The following PCSK6 variants were observed in gnomAD, a reference collection of about 807,000 sequenced individuals.
PCSK6 encodes the protein proprotein convertase subtilisin/kexin type 6, also known as paired basic amino acid cleaving enzyme 4.
A neutral mutation model predicts 123.3 loss-of-function variants in PCSK6; 85 were observed. The observed-to-expected ratio is 0.69, with a 90% CI of 0.58 to 0.83. The LOEUF (loss-of-function observed/expected upper bound fraction) is 0.83, where lower values mean the gene tolerates loss of function less well. Ranked by LOEUF, PCSK6 falls within the 40% of genes least tolerant of loss-of-function variation. The pLI is 0.00. For missense variants in PCSK6, 1,191 were observed against 1,282.3 expected (o/e 0.93, Z 1.09); for synonymous variants, 508 against 516.0 (o/e 0.98, Z 0.21).
chr15:101,395,658 G>C (rs2042390241), intron 7 of PCSK6, among the ~76,000 whole-genome samples: 1 of 152,176 alleles, frequency 6.6e-6, no homozygotes, highest in Non-Finnish European at 1.5e-5. Flanking sequence ...AGCTGTAGGG[G>C]ACATTTCAAC....
At chr15:101,428,574 A>C (rs1275779843) in intron 5 of PCSK6, among the ~76,000 whole-genome samples, 1 of 152,220 alleles carries the variant, frequency 6.6e-6, no homozygotes, top group Non-Finnish European at 1.5e-5. Context: ...ACTATGAAGA[A>C]ATGACCAGAA....
At chr15:101,396,789 T>C (rs1170828010) in intron 7 of PCSK6, among the ~76,000 whole-genome samples, 3 of 152,148 alleles carry the variant, frequency 2.0e-5, no homozygotes, top group African/African-American at 7.2e-5. Flanking sequence ...AGCTGTCCAG[T>C]GTCCCAAGGA....
At chr15:101,345,997 C>A (rs2141397211) in intron 13 of PCSK6, among the ~76,000 whole-genome samples, 1 of 152,312 alleles carries the variant, frequency 6.6e-6, no homozygotes, top group East Asian at 1.9e-4. Context: ...AAACACAGTG[C>A]ACAAACATTT....
intron 13 of PCSK6, among the ~76,000 whole-genome samples, chr15:101,358,168 G>A (rs1030424601): frequency 6.6e-6 from 1 of 152,164 alleles, no homozygotes; most frequent in Non-Finnish European, 1.5e-5. Context: ...GCCCTGAGAA[G>A]TCTCACCCCT....
chr15:101,457,234 C>A lies in PCSK6; in HGVS notation c.298-13574G>T, dbSNP rs1480236739. 2.6e-5 allele frequency among the ~76,000 whole-genome samples: 4 copies of A among 152,114 alleles called. No individual in the cohort carries two copies. In the East Asian group the frequency reaches 7.7e-4, roughly 29 times the overall value. ...AAAATCTCAACTCAGCAGTTGAGGTCTTGGGCCTTGGAGCCAAGGACTACC... is the reference window on the plus strand; with the variant it reads ...AAAATCTCAACTCAGCAGTTGAGGTATTGGGCCTTGGAGCCAAGGACTACC... On this transcript the variant is annotated intron_variant, in intron 1 of 21. Transcript: ENST00000611716.
chr15:101,402,785 G>A (rs1215897577), intron 6 of PCSK6, among the ~76,000 whole-genome samples: 2 of 152,268 alleles, frequency 1.3e-5, no homozygotes, highest in Admixed American at 6.5e-5. Flanking sequence ...GTGCTGGAGA[G>A]GATGTGGAGA....
At chr15:101,383,700 C>G (rs2041973742) in intron 10 of PCSK6, among the ~76,000 whole-genome samples, 1 of 152,144 alleles carries the variant, frequency 6.6e-6, no homozygotes, top group South Asian at 2.1e-4. Context: ...AGGCAAGTTT[C>G]AAAATCACAG....
At chr15:101,316,916 T>TTTTTTTTTG (rs1489161111) in intron 19 of PCSK6, among the ~76,000 whole-genome samples, 23 of 102,904 alleles carry the variant, frequency 2.2e-4, no homozygotes, top group Non-Finnish European at 1.5e-4. Flanking sequence ...TTCTGTTTTT[T>TTTTTTTTTG]TTTTTTTTTT....
intron 13 of PCSK6, among the ~76,000 whole-genome samples, chr15:101,340,996 T>C (rs1307316583): frequency 6.6e-6 from 1 of 150,712 alleles, no homozygotes; most frequent in Non-Finnish European, 1.5e-5. Flanking sequence ...AGTGTAGTGG[T>C]GCAATCTCAG....
chr15:101,370,315 C>T lies in PCSK6; in HGVS notation c.1721+20G>A, dbSNP rs1395495369. The stretch of plus-strand genomic sequence containing the variant: ...ATCTCAGTGAGCCCAGACCCCATCC[C>T]CACGCCTGCCTCGCCTTACCTCTTT... On this transcript the variant is annotated intron_variant, in intron 12 of 21. Coordinates refer to ENST00000611716, the MANE Select transcript of PCSK6 (RefSeq NM_002570.5). The T allele has an allele frequency of 1.3e-6, 2 of 1,497,740 alleles. No homozygotes were observed. The highest frequency in any genetic ancestry group is 1.8e-6 in the Non-Finnish European group (2 of 1,117,364). The allele number at this position is 1,497,740 out of a possible 1,614,324, so 92.8% of individuals were successfully genotyped here.
Position 101,358,344 on chromosome 15 carries a change from T to C in PCSK6, c.1858+7852A>G, listed in dbSNP as rs112001440. Among the ~76,000 whole-genome samples the C allele has an allele frequency of 2.5e-3, 383 of 152,344 alleles. 2 individuals are homozygous for C. Among genetic ancestry groups the C allele is most frequent in the African/African-American group, 8.9e-3 (369 of 41,578 alleles). ...TGACACTGGGGAACTCCTGAGAATC[T>C]GGCCTTAGGCAGACCCTTCCTCACA... On this transcript the variant is annotated intron_variant, in intron 13 of 21. Coordinates refer to ENST00000611716, the MANE Select transcript of PCSK6 (RefSeq NM_002570.5).
intron 1 of PCSK6, among the ~76,000 whole-genome samples, chr15:101,458,522 T>A (rs967075507): frequency 6.6e-6 from 1 of 152,188 alleles, no homozygotes; most frequent in African/African-American, 2.4e-5. Context: ...GGCTCCTGAC[T>A]GTTGTTTGCT....
At chr15:101,458,937 A>G (rs2057263709) in intron 1 of PCSK6, among the ~76,000 whole-genome samples, 1 of 152,154 alleles carries the variant, frequency 6.6e-6, no homozygotes, top group African/African-American at 2.4e-5. Flanking sequence ...GACATCCCGC[A>G]AGCATGCTGG....
At chr15:101,380,630 C>T (rs779678817) in intron 11 of PCSK6, among the ~76,000 whole-genome samples, 27 of 152,180 alleles carry the variant, frequency 1.8e-4, no homozygotes, top group Non-Finnish European at 2.4e-4. Flanking sequence ...CAATTAGCCA[C>T]GGGAGAAAAA....
At chr15:101,393,499 TC>T in intron 7 of PCSK6, 75 bp from the exon 8 acceptor site, 1 of 1,087,512 alleles carries the variant, frequency 9.2e-7, no homozygotes, top group Non-Finnish European at 1.3e-6. Flanking sequence ...GAACCTAGAG[TC>T]CCATCTCCCA....
At position 101,451,616 on chromosome 15, in the gene PCSK6, C is replaced by G. The variant is rs76727044; in HGVS notation, c.298-7956G>C. On this transcript the variant is annotated intron_variant, in intron 1 of 21. Transcript: ENST00000611716. ...TGCCCTTGGCTGGAAACAGATGTTC[C>G]AAACCCCGTCCGCTCCGCAGCTGCA... is the stretch of plus-strand genomic sequence containing the variant. Among the ~76,000 whole-genome samples, 638 of 152,322 alleles carry G rather than the reference C, an allele frequency of 4.2e-3. 5 individuals carry two copies. Among genetic ancestry groups the G allele is most frequent in the African/African-American group, 0.015 (605 of 41,578 alleles).
At position 101,349,413 on chromosome 15, in the gene PCSK6, C is replaced by T. The variant is rs368604369; in HGVS notation, c.1858+16783G>A. ...AATAGCAGCCCAGCTTTGCCTCCAG[C>T]GCAGCAACCCTGGATTCAGTGAATT... is the stretch of plus-strand genomic sequence containing the variant. On this transcript the variant is annotated intron_variant, in intron 13 of 21. Coordinates refer to ENST00000611716, the MANE Select transcript of PCSK6 (RefSeq NM_002570.5). Among the ~76,000 whole-genome samples the T allele has an allele frequency of 2.2e-4, 33 of 152,312 alleles. No individual in the cohort carries two copies. The South Asian group carries it at 5.4e-3, about 25-fold the overall frequency.
At chr15:101,306,449 C>T (rs1192628435) in intron 21 of PCSK6, among the ~76,000 whole-genome samples, 2 of 152,072 alleles carry the variant, frequency 1.3e-5, no homozygotes, top group Admixed American at 6.5e-5. Flanking sequence ...CAGCTTCATA[C>T]CCAAGGACCA....
intron 18 of PCSK6, among the ~76,000 whole-genome samples, chr15:101,319,945 G>A (rs1010955352): frequency 2.6e-5 from 4 of 152,148 alleles, no homozygotes; most frequent in Non-Finnish European, 4.4e-5. Flanking sequence ...TGGCAAGTCC[G>A]ATTTATGGCT....
Sources: gnomAD v4.1 joint callset for allele counts (sites outside exome capture counted in the v4.1 genomes callset) on GRCh38, gnomAD v4.1.1 for gene constraint, MANE v1.5 for transcripts, NCBI Gene and HGNC (gene_info 2026-07-23, HGNC 2026-07-21) for gene names.